Variants in RPTN observed in about 807,000 individuals in gnomAD.
RPTN encodes the protein intermediate filament-associated protein.
In RPTN, 4 loss-of-function variants were observed where a neutral mutation model predicts 3.6. That is an observed-to-expected ratio of 1.12 (90% CI 0.55 to 2.55). The LOEUF (loss-of-function observed/expected upper bound fraction) is 2.55. Ranked by LOEUF, RPTN falls within the 30% of genes most tolerant of loss-of-function variation. RPTN has a pLI of 0.02. For missense variants in RPTN, 860 were observed against 916.7 expected (o/e 0.94, Z 0.80); for synonymous variants, 293 against 319.3 (o/e 0.92, Z 0.88).
rs749589867 is a variant in RPTN, at chr1:152,156,581, G to T, written c.518C>A (p.Pro173His). The T allele has an allele frequency of 1.2e-5, 19 of 1,600,478 alleles. No homozygotes were observed. The change falls in exon 3 of 3, where the codon CCT (proline) becomes CAT (histidine). Residue 173 changes from proline to histidine, a missense_variant. Pro to His is a moderately conservative substitution (Grantham distance 77). Transcript: ENST00000316073. Reference sequence around the variant, plus strand: ...GTGAGAATCTCTGTCTTGTCTCTCAGGCTGACTGTGGTGGGAATCTCTGTC... The same window carrying T: ...GTGAGAATCTCTGTCTTGTCTCTCATGCTGACTGTGGTGGGAATCTCTGTC... ...KQDRDSHHSQPERQDRDSHHN... is the reference protein window; with the variant it reads ...KQDRDSHHSQHERQDRDSHHN...
rs201203302 is a variant in RPTN at position 152,154,796 on chromosome 1, C to G, written c.2303G>C (p.Arg768Pro). 6.2e-7 allele frequency: 1 copy of G among 1,612,802 alleles called. No homozygotes were observed. Among genetic ancestry groups the G allele is most frequent in the East Asian group, 2.2e-5 (1 of 44,700 alleles). ...ATGGGTTTGCCTGTCTCGTCTCTGA[C>G]GGTTCTGCTTGTCTTCATGGGTTTG... ...DRQTHEDKQN[R>P]QRRDRQTHED... Residue 768 changes from arginine to proline, a missense_variant, in exon 3 of 3, where the codon CGT (arginine) becomes CCT (proline). Coordinates refer to ENST00000316073, the MANE Select transcript of RPTN (RefSeq NM_001122965.1).
At position 152,157,908 on chromosome 1, in the gene RPTN, A is replaced by G; in HGVS notation, c.-19T>C. The G allele has an allele frequency of 6.2e-7, 1 of 1,612,968 alleles. No individual in the cohort carries two copies. The highest frequency in any genetic ancestry group is 8.5e-7 in the Non-Finnish European group (1 of 1,179,308). On this transcript the variant is annotated splice_region_variant and 5_prime_UTR_variant, in exon 2 of 3. Transcript: ENST00000316073. ...GAGCCATTTTGACAAGTACGGGTGA[A>G]CCTAAAAGAAGAAACAAGATTTCTC...
In RPTN at chr1:152,154,704, G is replaced by T. The variant is rs754634506; in HGVS notation, c.*40C>A. On this transcript the variant is annotated 3_prime_UTR_variant, in exon 3 of 3. Coordinates refer to ENST00000316073, the MANE Select transcript of RPTN (RefSeq NM_001122965.1). ...TCCTCATAGTTTTGTCTATTATGTT[G>T]TTGCTGATGGTTTTGATCCTCTTCA... 5 of 1,605,666 alleles carry T rather than the reference G, an allele frequency of 3.1e-6. No homozygotes were observed. The highest frequency in any genetic ancestry group is 4.3e-6 in the Non-Finnish European group (5 of 1,175,322).
chr1:152,154,844 T>C lies in RPTN; in HGVS notation c.2255A>G (p.Gln752Arg). The change falls in exon 3 of 3, where the codon CAG becomes CGG. Residue 752 changes from glutamine to arginine, a missense_variant. Coordinates refer to ENST00000316073, the MANE Select transcript of RPTN (RefSeq NM_001122965.1). ...TTGCCTGTCTCGTCTCTGATGGCTC[T>C]GCTCATGTTCATGGGTTTGTCTGTC... ...RRDRQTHEHEQSHQRRDRQTH... is the reference protein window; with the variant it reads ...RRDRQTHEHERSHQRRDRQTH... 6.2e-7 allele frequency: 1 copy of C among 1,613,912 alleles called. No individual in the cohort carries two copies. Among genetic ancestry groups the C allele is most frequent in the Non-Finnish European group, 8.5e-7 (1 of 1,179,826 alleles).
chr1:152,155,675 T>G lies in RPTN; in HGVS notation c.1424A>C (p.Tyr475Ser). ...CTGGCCTTGTTTGTCTGGCTGACTG[T>G]AGTGGGAACTCTGGCCTTGTCTGTC... is the stretch of plus-strand genomic sequence containing the variant. ...QTDRQGQSSH[Y>S]SQPDKQGQSS... Residue 475 changes from tyrosine (Y) to serine (S), a missense_variant, in exon 3 of 3, where the codon TAC (tyrosine) becomes TCC (serine). Transcript: ENST00000316073. 10 of 1,603,882 alleles carry G rather than the reference T, an allele frequency of 6.2e-6. No homozygotes were observed. The highest frequency in any genetic ancestry group is 8.5e-6 in the Non-Finnish European group (10 of 1,172,352).
rs562753399 is a variant in RPTN at position 152,154,460 on chromosome 1, G to T, written c.*284C>A. ...TTTCTGCTCTTGCACATAGTCATAG[G>T]GGGGGTTGGGAACAGTAGCTCCCTT... On this transcript the variant is annotated 3_prime_UTR_variant, in exon 3 of 3. Coordinates refer to ENST00000316073, the MANE Select transcript of RPTN (RefSeq NM_001122965.1). 4.3e-4 allele frequency: 229 copies of T among 528,378 alleles called. 1 individual carries two copies. Among genetic ancestry groups the T allele is most frequent in the African/African-American group, 2.3e-3 (121 of 52,632 alleles). 32.7% of individuals were successfully genotyped at this position (528,378 alleles called of 1,614,324 possible). A position where few individuals can be genotyped will look rare whatever the true frequency, so the allele number is the denominator to read the frequency against.
In RPTN at chr1:152,156,082, C is replaced by T. The variant is rs773708750; in HGVS notation, c.1017G>A (p.Gln339=). The change falls in exon 3 of 3, where the codon CAG becomes CAA. Residue 339 remains glutamine, a synonymous_variant. Coordinates refer to ENST00000316073, the MANE Select transcript of RPTN (RefSeq NM_001122965.1). ...TGTCCATTTGACCATAGTGGGAACTCTGACCTTGTCTGTCTGGCTGACTGT... is the reference window on the plus strand; with the variant it reads ...TGTCCATTTGACCATAGTGGGAACTTTGACCTTGTCTGTCTGGCTGACTGT... The part of the protein sequence containing the change: ...SHYSQPDRQG[Q]SSHYGQMDRK... 1 of 1,613,844 alleles carries T rather than the reference C, an allele frequency of 6.2e-7. No homozygotes were observed. Among genetic ancestry groups the T allele is most frequent in the Non-Finnish European group, 8.5e-7 (1 of 1,179,994 alleles).
In RPTN at chr1:152,154,520, C is replaced by T; in HGVS notation, c.*224G>A. Reference sequence around the variant, plus strand: ...ACCACGCTGTTCTCTGGTTTGGGGCCTCCCACTGCTCTGGGTTGGATAGAA... The same window carrying T: ...ACCACGCTGTTCTCTGGTTTGGGGCTTCCCACTGCTCTGGGTTGGATAGAA... On this transcript the variant is annotated 3_prime_UTR_variant, in exon 3 of 3. Coordinates refer to ENST00000316073, the MANE Select transcript of RPTN (RefSeq NM_001122965.1). The T allele has an allele frequency of 4.6e-6, 3 of 659,238 alleles. No homozygotes were observed. The highest frequency in any genetic ancestry group is 7.7e-6 in the Non-Finnish European group (3 of 391,086). 40.8% of individuals were successfully genotyped at this position (659,238 alleles called of 1,614,324 possible).
rs770622189 is a variant in RPTN, at chr1:152,156,704, G to C, written c.395C>G (p.Ser132Cys). ...RQRHEEERQN[S>C]HHSQPERQDG... ...TTGTCTCTCAGGCTGACTGTGGTGG[G>C]AGTTCTGCCTTTCTTCCTCGTGCCT... The change falls in exon 3 of 3, where the codon TCC becomes TGC. Residue 132 changes from serine to cysteine, a missense_variant. Physicochemically the swap from Ser to Cys is moderately radical, Grantham distance 112. Coordinates refer to ENST00000316073, the MANE Select transcript of RPTN (RefSeq NM_001122965.1). 1 of 1,614,028 alleles carries C rather than the reference G, an allele frequency of 6.2e-7. No homozygotes were observed.
At position 152,154,875 on chromosome 1, in the gene RPTN, T is replaced by C. The variant is rs200983551; in HGVS notation, c.2224A>G (p.Arg742Gly). 3.1e-6 allele frequency: 5 copies of C among 1,614,026 alleles called. No individual in the cohort carries two copies. The Admixed American group carries it at 8.3e-5, about 27-fold the overall frequency. ...RTHKDEQNHQ[R>G]RDRQTHEHEQ... ...TGTTCATGGGTTTGTCTGTCTCGTC[T>C]CTGATGGTTCTGCTCATCTTTATGG... The change falls in exon 3 of 3, where the codon AGA becomes GGA. Residue 742 changes from arginine to glycine, a missense_variant. Coordinates refer to ENST00000316073, the MANE Select transcript of RPTN (RefSeq NM_001122965.1).
rs1659191810 is a variant in RPTN, at chr1:152,155,970, A to G, written c.1129T>C (p.Ser377Pro). ...TGTGTGTCTGGCTGACCATAGTGGGAACTCTGACCTTGTCTGTTTGGTTGA... is the reference window on the plus strand; with the variant it reads ...TGTGTGTCTGGCTGACCATAGTGGGGACTCTGACCTTGTCTGTTTGGTTGA... ...YSQPNRQGQSSHYGQPDTQDQ... is the reference protein window; with the variant it reads ...YSQPNRQGQSPHYGQPDTQDQ... The change falls in exon 3 of 3, where the codon TCC becomes CCC. Residue 377 changes from serine (S) to proline (P), a missense_variant. Ser to Pro is a moderately conservative substitution (Grantham distance 74). Transcript: ENST00000316073. The G allele has an allele frequency of 1.2e-6, 2 of 1,613,420 alleles. No homozygotes were observed. The highest frequency in any genetic ancestry group is 8.5e-7 in the Non-Finnish European group (1 of 1,180,000).
intron 1 of RPTN, 31 bp from the exon 2 acceptor site, chr1:152,157,940 T>C (rs1659240211): frequency 6.3e-7 from 1 of 1,597,346 alleles, no homozygotes; most frequent in East Asian, 2.2e-5. Flanking sequence ...TCTCCTGCCG[T>C]TAGGATAATG....
rs1056245461 is a variant in RPTN at position 152,159,215 on chromosome 1, G to A, written c.-52C>T. The stretch of plus-strand genomic sequence containing the variant: ...GAGGAGGAAGGAGCAGAAGATTCAG[G>A]AGTCAGAGAGGATACTGGGGACCTA... On this transcript the variant is annotated 5_prime_UTR_variant, in exon 1 of 3. Coordinates refer to ENST00000316073, the MANE Select transcript of RPTN (RefSeq NM_001122965.1). 1 of 152,664 alleles carries A rather than the reference G, an allele frequency of 6.6e-6. No individual in the cohort carries two copies. The highest frequency in any genetic ancestry group is 2.4e-5 in the African/African-American group (1 of 41,388). The allele number at this position is 152,664 out of a possible 1,614,324, so 9.5% of individuals were successfully genotyped here.
Position 152,154,547 on chromosome 1 carries a change from G to T in RPTN, c.*197C>A. 1 of 780,470 alleles carries T rather than the reference G, an allele frequency of 1.3e-6. No homozygotes were observed. Among genetic ancestry groups the T allele is most frequent in the Admixed American group, 2.8e-5 (1 of 36,318 alleles). 48.3% of individuals were successfully genotyped at this position (780,470 alleles called of 1,614,324 possible). Reference sequence around the variant, plus strand: ...CCCACTGCTCTGGGTTGGATAGAAGGATGGTTCAGTGTGTCTTTTCTGTGA... The same window carrying T: ...CCCACTGCTCTGGGTTGGATAGAAGTATGGTTCAGTGTGTCTTTTCTGTGA... On this transcript the variant is annotated 3_prime_UTR_variant, in exon 3 of 3. Transcript: ENST00000316073.
chr1:152,155,408 C>CT lies in RPTN; in HGVS notation c.1690dup (p.Arg564LysfsTer33). On this transcript the variant is annotated frameshift_variant, in exon 3 of 3. Coordinates refer to ENST00000316073, the MANE Select transcript of RPTN (RefSeq NM_001122965.1). LOFTEE classifies it low-confidence loss of function (END_TRUNC). ...ACCATAATGATAGCTCTGGCCTTGT[C>CT]TGTCTGTCTGACCGTAGTGGGAACT... 1 of 1,613,992 alleles carries CT rather than the reference C, an allele frequency of 6.2e-7. No individual in the cohort carries two copies. Among genetic ancestry groups the CT allele is most frequent in the Non-Finnish European group, 8.5e-7 (1 of 1,179,944 alleles).
chr1:152,158,014 T>A, intron 1 of RPTN, 105 bp from the exon 2 acceptor site: 1 of 885,938 alleles, frequency 1.1e-6, no homozygotes, highest in Non-Finnish European at 1.8e-6. Flanking sequence ...GTTTAAGAAG[T>A]GAGAGAGCCC....
chr1:152,159,129 T>C (rs181752760), intron 1 of RPTN, 55 bp downstream of exon 1: 2 of 152,822 alleles, frequency 1.3e-5, no homozygotes, highest in Admixed American at 1.3e-4. Context: ...TGGTGCATTA[T>C]AGGGCTCTTG....
Position 152,156,577 on chromosome 1 carries a change from C to T in RPTN, c.522G>A (p.Glu174=), listed in dbSNP as rs756160744. 1 of 1,600,772 alleles carries T rather than the reference C, an allele frequency of 6.2e-7. No homozygotes were observed. The highest frequency in any genetic ancestry group is 8.5e-7 in the Non-Finnish European group (1 of 1,173,634). ...TGTGGTGAGAATCTCTGTCTTGTCTCTCAGGCTGACTGTGGTGGGAATCTC... is the reference window on the plus strand; with the variant it reads ...TGTGGTGAGAATCTCTGTCTTGTCTTTCAGGCTGACTGTGGTGGGAATCTC... ...QDRDSHHSQP[E]RQDRDSHHNQ... is the part of the protein sequence containing the mutation. Residue 174 remains glutamate, a synonymous_variant, in exon 3 of 3, where the codon GAG becomes GAA. Transcript: ENST00000316073.
chr1:152,157,007 A>T (rs1343876152), intron 2 of RPTN, 47 bp from the exon 3 acceptor site: 2 of 1,508,562 alleles, frequency 1.3e-6, no homozygotes, highest in East Asian at 2.3e-5. Flanking sequence ...TGTCTTGTGC[A>T]TACTAAGATG....
Sources: gnomAD v4.1 joint callset for allele counts on GRCh38, gnomAD v4.1.1 for gene constraint, MANE v1.5 for transcripts, NCBI Gene and HGNC (gene_info 2026-07-23, HGNC 2026-07-21) for gene names.